KLHL7: variants seen among roughly 807,000 people sequenced by gnomAD.
The protein encoded by KLHL7 is kelch like family member 7.
KLHL7 carries 44 observed loss-of-function variants against 67.4 expected under a neutral mutation model. The observed-to-expected ratio is 0.65, with a 90% CI of 0.51 to 0.84. The LOEUF is 0.84. Among genes scored for constraint, KLHL7 ranks in the 40% least tolerant of loss-of-function variants. KLHL7 has a pLI of 0.00. For synonymous variants in KLHL7, 252 were observed against 243.3 expected, an observed-to-expected ratio of 1.04 and a Z score of -0.33; for missense variants, 362 against 718.1, an observed-to-expected ratio of 0.50 and a Z score of 5.67.
At chr7:23,171,867 G>A (rs1206499634) in intron 9 of KLHL7, among the ~76,000 whole-genome samples, 1 of 152,106 alleles carries the variant, frequency 6.6e-6, no homozygotes, top group Non-Finnish European at 1.5e-5. Context: ...CTGCCGCCAC[G>A]CCTGGCTAAT....
chr7:23,168,805 C>G (rs858307), intron 9 of KLHL7, among the ~76,000 whole-genome samples: 1 of 152,106 alleles, frequency 6.6e-6, no homozygotes, highest in African/African-American at 2.4e-5. Context: ...GATTGCCCAT[C>G]GTTCTTCCCT....
At chr7:23,140,669 T>G (rs1468262035) in intron 4 of KLHL7, 100 bp from the exon 5 acceptor site, 4 of 936,090 alleles carry the variant, frequency 4.3e-6, no homozygotes, top group African/African-American at 3.3e-5. Context: ...ATTTATGAAA[T>G]TTACTCAACT....
chr7:23,151,163 T>TTTTTTTTTG (rs1784523045), intron 6 of KLHL7, among the ~76,000 whole-genome samples: 1 of 146,214 alleles, frequency 6.8e-6, no homozygotes, highest in Non-Finnish European at 1.5e-5. Flanking sequence ...TTTTGTTTTT[T>TTTTTTTTTG]TTTTTTTCTT....
chr7:23,113,146 A>T (rs1178280479), intron 1 of KLHL7, among the ~76,000 whole-genome samples: 2 of 151,736 alleles, frequency 1.3e-5, no homozygotes, highest in African/African-American at 4.9e-5. Context: ...AAAAAAAAAT[A>T]GAATGAGATC....
intron 6 of KLHL7, among the ~76,000 whole-genome samples, chr7:23,146,002 G>A (rs1167446919): frequency 6.6e-6 from 1 of 152,214 alleles, no homozygotes; most frequent in Non-Finnish European, 1.5e-5. Flanking sequence ...AAGATGCTGG[G>A]ATTACAGGCA....
At chr7:23,166,122 A>G (rs1208898149) in intron 8 of KLHL7, among the ~76,000 whole-genome samples, 184 bp downstream of exon 8, 2 of 152,210 alleles carry the variant, frequency 1.3e-5, no homozygotes, top group Non-Finnish European at 2.9e-5. Context: ...ACAAACCATT[A>G]AATTACAGAA....
chr7:23,113,258 T>G (rs1782950106), intron 1 of KLHL7, among the ~76,000 whole-genome samples: 1 of 152,230 alleles, frequency 6.6e-6, no homozygotes, highest in Non-Finnish European at 1.5e-5. Context: ...TTTTTGAAGA[T>G]TCTTTTGACA....
chr7:23,140,711 G>C (rs1185198378), intron 4 of KLHL7, 58 bp from the exon 5 acceptor site: 1 of 1,418,206 alleles, frequency 7.1e-7, no homozygotes, highest in African/African-American at 1.4e-5. Flanking sequence ...CATCTTGAAT[G>C]TATACTTGGT....
At chr7:23,173,138 C>T in intron 10 of KLHL7, 93 bp downstream of exon 10, 1 of 824,586 alleles carries the variant, frequency 1.2e-6, no homozygotes, top group South Asian at 1.4e-5. Flanking sequence ...TAGATAGAAG[C>T]ATTTACCATG....
At chr7:23,107,623 T>C (rs1274924653) in intron 1 of KLHL7, among the ~76,000 whole-genome samples, 1 of 152,218 alleles carries the variant, frequency 6.6e-6, no homozygotes, top group Non-Finnish European at 1.5e-5. Context: ...TTTCTTAGCT[T>C]TGGAGTATAT....
chr7:23,121,749 C>G (rs1001558518), intron 1 of KLHL7, among the ~76,000 whole-genome samples: 11 of 147,598 alleles, frequency 7.5e-5, no homozygotes, highest in African/African-American at 2.8e-4. Context: ...GTGGCTCGAT[C>G]TCAGCTCACT....
Position 23,129,201 on chromosome 7 carries a change from T to G in KLHL7, c.442+4029T>G, listed in dbSNP as rs577593017. 6.2e-4 allele frequency: 130 copies of G among 209,644 alleles called. No individual in the cohort carries two copies. In the Middle Eastern group the frequency reaches 8.9e-3, roughly 14 times the overall value. The allele number at this position is 209,644 out of a possible 1,614,324, so 13.0% of individuals were successfully genotyped here. ...CAGGGGCATCTCCGCAGCTACTGCA[T>G]GCAGTGATCATGGGGGCCCCAGACC... On this transcript the variant is annotated intron_variant, in intron 4 of 10. Transcript: ENST00000339077.
intron 1 of KLHL7, 160 bp downstream of exon 1, chr7:23,106,306 G>C (rs750551725): frequency 1.3e-6 from 2 of 1,493,496 alleles, no homozygotes; most frequent in Non-Finnish European, 1.8e-6. Context: ...GCAGTTGGTA[G>C]AGGGGCGCGT....
At chr7:23,137,197 A>G (rs1374252438) in intron 4 of KLHL7, among the ~76,000 whole-genome samples, 1 of 152,198 alleles carries the variant, frequency 6.6e-6, no homozygotes, top group Non-Finnish European at 1.5e-5. Context: ...GGGCGGGGGA[A>G]TCACTTGAAC....
intron 7 of KLHL7, chr7:23,155,998 G>A: frequency 2.1e-6 from 1 of 466,562 alleles, no homozygotes; most frequent in South Asian, 1.6e-5. Flanking sequence ...CAGTTGAAAA[G>A]AGATGCATAT....
At chr7:23,114,827 T>C (rs186668201) in intron 1 of KLHL7, among the ~76,000 whole-genome samples, 1 of 152,186 alleles carries the variant, frequency 6.6e-6, no homozygotes, top group African/African-American at 2.4e-5. Flanking sequence ...CAAGGTGTCA[T>C]AGCTCTCTAG....
intron 1 of KLHL7, among the ~76,000 whole-genome samples, chr7:23,123,001 C>T (rs144008639): frequency 6.6e-6 from 1 of 152,254 alleles, no homozygotes; most frequent in Non-Finnish European, 1.5e-5. Context: ...GCAAAAAGGA[C>T]ATTTATTTTT....
intron 1 of KLHL7, among the ~76,000 whole-genome samples, chr7:23,109,975 T>C (rs778086291): frequency 6.6e-6 from 1 of 152,242 alleles, no homozygotes; most frequent in Non-Finnish European, 1.5e-5. Flanking sequence ...TGTCCCTTTT[T>C]CATGTCCATC....
Position 23,105,847 on chromosome 7 carries a change from C to A in KLHL7, c.-180C>A. The A allele has an allele frequency of 2.2e-6, 2 of 914,416 alleles. No individual in the cohort carries two copies. Among genetic ancestry groups the A allele is most frequent in the East Asian group, 2.7e-5 (1 of 36,858 alleles). 56.6% of individuals were successfully genotyped at this position (914,416 alleles called of 1,614,324 possible). On this transcript the variant is annotated 5_prime_UTR_variant, in exon 1 of 11. Transcript: ENST00000339077. ...GCTCCCTGAGCGTTTCTAAGGGGGC[C>A]GCCCGGCCTTGTCTTTCGGCAGTGG...
Sources: allele counts gnomAD v4.1 joint callset (sites outside exome capture counted in the v4.1 genomes callset), GRCh38; gene constraint gnomAD v4.1.1; transcripts MANE v1.5; gene names NCBI Gene and HGNC (gene_info 2026-07-23, HGNC 2026-07-21).